The following MTMR6 variants were observed in gnomAD, a reference collection of about 807,000 sequenced individuals.
MTMR6 encodes the protein phosphatidylinositol-3,5-bisphosphate 3-phosphatase MTMR6.
In MTMR6, 47 loss-of-function variants were observed where a neutral mutation model predicts 80.1. That is an observed-to-expected ratio of 0.59 (90% confidence interval 0.46 to 0.75). The LOEUF is 0.75. Among genes scored for constraint, MTMR6 ranks in the 30% least tolerant of loss-of-function variants. The probability of loss-of-function intolerance (pLI) is 0.00; values close to 1 mark genes in which losing one functional copy is unlikely to be tolerated. For missense variants in MTMR6, 629 were observed against 730.9 expected (o/e 0.86, Z 1.61); for synonymous variants, 254 against 253.0 (o/e 1.00, Z -0.04).
At chr13:25,265,046 G>T (rs929050264) in intron 5 of MTMR6, among the ~76,000 whole-genome samples, 6 of 152,128 alleles carry the variant, frequency 3.9e-5, no homozygotes, top group Admixed American at 2.6e-4. Flanking sequence ...GGCTACAAAG[G>T]TAAGTTTTAC....
At chr13:25,279,632 G>C (rs895452647) in intron 1 of MTMR6, among the ~76,000 whole-genome samples, 1 of 152,176 alleles carries the variant, frequency 6.6e-6, no homozygotes, top group South Asian at 2.1e-4. Flanking sequence ...ATCCAGATAA[G>C]TTCAAATGGA....
At chr13:25,270,030 A>G (rs1566040951) in intron 2 of MTMR6, among the ~76,000 whole-genome samples, 1 of 152,184 alleles carries the variant, frequency 6.6e-6, no homozygotes, top group African/African-American at 2.4e-5. Context: ...ATTTTTAAAG[A>G]TTTTGGTATA....
intron 1 of MTMR6, among the ~76,000 whole-genome samples, chr13:25,284,667 A>G (rs908782944): frequency 2.6e-5 from 4 of 152,202 alleles, no homozygotes; most frequent in Non-Finnish European, 4.4e-5. Context: ...AAATACTTAC[A>G]CTTATTTTTG....
chr13:25,275,832 G>T (rs1957709726), intron 1 of MTMR6, among the ~76,000 whole-genome samples: 1 of 140,452 alleles, frequency 7.1e-6, no homozygotes, highest in South Asian at 2.4e-4. Context: ...CTGCACTCCC[G>T]CCTGGGCAAC....
chr13:25,258,742 A>G (rs1957270928), intron 6 of MTMR6, 50 bp from the exon 7 acceptor site: 2 of 1,435,858 alleles, frequency 1.4e-6, no homozygotes, highest in Non-Finnish European at 1.8e-6. Context: ...TTTTTAATTT[A>G]CCAAAATGTC....
In MTMR6 at chr13:25,247,367, G is replaced by C. The variant is rs1290432975; in HGVS notation, c.*1865C>G. 1 of 152,556 alleles carries C rather than the reference G, an allele frequency of 6.6e-6. No homozygotes were observed. Among genetic ancestry groups the C allele is most frequent in the Non-Finnish European group, 1.5e-5 (1 of 68,002 alleles). 9.5% of individuals were successfully genotyped at this position (152,556 alleles called of 1,614,324 possible). A position where few individuals can be genotyped will look rare whatever the true frequency, so the allele number is the denominator to read the frequency against. On this transcript the variant is annotated 3_prime_UTR_variant, in exon 14 of 14. Transcript: ENST00000381801. ...ACTGAACATAAATTCAACTTTATAA[G>C]ACATATACACAGTCTGCTTTTGCCA... is the stretch of plus-strand genomic sequence containing the variant.
At chr13:25,250,535 A>G (rs1054895209) in intron 13 of MTMR6, among the ~76,000 whole-genome samples, 12 of 152,230 alleles carry the variant, frequency 7.9e-5, no homozygotes, top group African/African-American at 2.4e-4. Context: ...TTCACAGAAA[A>G]GGAAAACCAA....
At chr13:25,255,233 G>A (rs1453905667) in intron 9 of MTMR6, among the ~76,000 whole-genome samples, 1 of 152,256 alleles carries the variant, frequency 6.6e-6, no homozygotes, top group Non-Finnish European at 1.5e-5. Flanking sequence ...GGCTGAGGAT[G>A]TAGTCGCTGG....
intron 1 of MTMR6, among the ~76,000 whole-genome samples, chr13:25,277,991 T>C (rs958559234): frequency 2.6e-5 from 4 of 152,204 alleles, no homozygotes; most frequent in African/African-American, 7.2e-5. Flanking sequence ...AGGATTCAAA[T>C]CCTAGCTGTT....
chr13:25,264,820 A>T (rs1430203973), intron 5 of MTMR6, among the ~76,000 whole-genome samples: 1 of 150,018 alleles, frequency 6.7e-6, no homozygotes, highest in African/African-American at 2.4e-5. Context: ...AAAAGTTCTC[A>T]GAGAAAACAA....
rs1002468813 is a variant in MTMR6 at position 25,287,331 on chromosome 13, A to G, written c.-84T>C. Reference sequence around the variant, plus strand: ...AGGGCGGTGACAGCGACAGAGAGCAAGCGGGAACTCCCTCCACCAGCCAGC... The same window carrying G: ...AGGGCGGTGACAGCGACAGAGAGCAGGCGGGAACTCCCTCCACCAGCCAGC... On this transcript the variant is annotated 5_prime_UTR_variant, in exon 1 of 14. Transcript: ENST00000381801. 5 of 1,517,196 alleles carry G rather than the reference A, an allele frequency of 3.3e-6. No individual in the cohort carries two copies. The highest frequency in any genetic ancestry group is 2.0e-5 in the Admixed American group (1 of 51,118). The allele number at this position is 1,517,196 out of a possible 1,614,324, so 94.0% of individuals were successfully genotyped here. A position where few individuals can be genotyped will look rare whatever the true frequency, so the allele number is the denominator to read the frequency against.
At position 25,254,323 on chromosome 13, in the gene MTMR6, T is replaced by C. The variant is rs192881568; in HGVS notation, c.1145+62A>G. On this transcript the variant is annotated intron_variant, in intron 10 of 13. Coordinates refer to ENST00000381801, the MANE Select transcript of MTMR6 (RefSeq NM_004685.5). ...TGAGTTCATAAGGAACAGAAACATTTTGGCATTCTAAACTTGGTTTACTAA... is the reference window on the plus strand; with the variant it reads ...TGAGTTCATAAGGAACAGAAACATTCTGGCATTCTAAACTTGGTTTACTAA... 86 of 1,174,094 alleles carry C rather than the reference T, an allele frequency of 7.3e-5. 1 individual carries two copies. In the Admixed American group the frequency reaches 1.2e-3, roughly 16 times the overall value. 72.7% of individuals were successfully genotyped at this position (1,174,094 alleles called of 1,614,324 possible).
At chr13:25,250,638 GGATA>G (rs1957064284) in intron 13 of MTMR6, among the ~76,000 whole-genome samples, 1 of 152,162 alleles carries the variant, frequency 6.6e-6, no homozygotes, top group Non-Finnish European at 1.5e-5. Flanking sequence ...ATAGCTGAAT[GGATA>G]GACTGTGATA....
At chr13:25,282,381 G>A (rs1957869339) in intron 1 of MTMR6, among the ~76,000 whole-genome samples, 1 of 151,984 alleles carries the variant, frequency 6.6e-6, no homozygotes, top group Non-Finnish European at 1.5e-5. Context: ...ACTTAATTTT[G>A]TTTATTGTTA....
rs762932006 is a variant in MTMR6, at chr13:25,261,689, G to A, written c.705C>T (p.Tyr235=). 15 of 1,612,770 alleles carry A rather than the reference G, an allele frequency of 9.3e-6. No homozygotes were observed. Among genetic ancestry groups the A allele is most frequent in the African/African-American group, 4.0e-5 (3 of 74,864 alleles). The change falls in exon 6 of 14, where the codon TAC becomes TAT. Residue 235 remains tyrosine (Y), a synonymous_variant. Coordinates refer to ENST00000381801, the MANE Select transcript of MTMR6 (RefSeq NM_004685.5). ...SKANPVNRYM[Y]VMDTRPKLNA... ...ATACTTTTGGCCTGGTATCCATGAC[G>A]TACATATAGCGATTGACTGGATTGG...
At chr13:25,258,030 GTGCTTACAAAAA>G (rs1957253883) in intron 7 of MTMR6, among the ~76,000 whole-genome samples, 185 bp from the exon 8 acceptor site, 1 of 152,048 alleles carries the variant, frequency 6.6e-6, no homozygotes, top group Non-Finnish European at 1.5e-5. Context: ...TATTATTCCC[GTGCTTACAAAAA>G]TGCTCCAATC....
At chr13:25,278,918 C>T (rs936918940) in intron 1 of MTMR6, among the ~76,000 whole-genome samples, 3 of 151,996 alleles carry the variant, frequency 2.0e-5, no homozygotes, top group African/African-American at 4.8e-5. Flanking sequence ...AACTCCATTA[C>T]ATGCACGCAC....
chr13:25,249,905 T>C (rs1210625180), intron 13 of MTMR6, among the ~76,000 whole-genome samples: 2 of 152,224 alleles, frequency 1.3e-5, no homozygotes, highest in Non-Finnish European at 2.9e-5. Context: ...TTTTCTTACA[T>C]GGTTTTCCTA....
At chr13:25,267,751 T>C (rs139386775) in intron 3 of MTMR6, 28 bp downstream of exon 3, 3 of 1,591,810 alleles carry the variant, frequency 1.9e-6, no homozygotes, top group Non-Finnish European at 1.7e-6. Context: ...AAATTGAGCA[T>C]GTAAGCTTTG....
Sources: gnomAD v4.1 joint callset for allele counts (sites outside exome capture counted in the v4.1 genomes callset) on GRCh38, gnomAD v4.1.1 for gene constraint, MANE v1.5 for transcripts, NCBI Gene and HGNC (gene_info 2026-07-23, HGNC 2026-07-21) for gene names.